Variants in EIF4G3 observed in about 807,000 individuals in gnomAD.
The protein encoded by EIF4G3 is eukaryotic translation initiation factor 4 gamma 3, also known as eIF-4-gamma 3.
Under a neutral mutation model 186.4 loss-of-function variants are expected in EIF4G3, and 34 were observed. The ratio of observed to expected loss-of-function variants is 0.18; its 90% CI spans 0.14 to 0.24. The LOEUF (loss-of-function observed/expected upper bound fraction) is 0.24. Ranked by LOEUF, EIF4G3 falls within the 10% of genes least tolerant of loss-of-function variation. The pLI is 1.00. For synonymous variants in EIF4G3, 673 were observed against 679.5 expected, an observed-to-expected ratio of 0.99 and a Z score of 0.15; for missense variants, 1,536 against 1,948.5, an observed-to-expected ratio of 0.79 and a Z score of 3.99.
At chr1:21,114,090 C>T (rs1372033628) in intron 2 of EIF4G3, among the ~76,000 whole-genome samples, 1 of 151,730 alleles carries the variant, frequency 6.6e-6, no homozygotes, top group Non-Finnish European at 1.5e-5. Context: ...GGAAAGTTGT[C>T]AAGTTCATGG....
At chr1:21,047,155 G>A (rs1244525144) in intron 4 of EIF4G3, among the ~76,000 whole-genome samples, 1 of 152,076 alleles carries the variant, frequency 6.6e-6, no homozygotes, top group East Asian at 1.9e-4. Context: ...TTGACTTCAA[G>A]CCTATAATCC....
intron 14 of EIF4G3, among the ~76,000 whole-genome samples, chr1:20,937,175 T>C (rs1008939814): frequency 6.6e-6 from 1 of 152,116 alleles, no homozygotes; most frequent in African/African-American, 2.4e-5. Flanking sequence ...AGTGAAAAGA[T>C]AGCTTAAAAA....
intron 27 of EIF4G3, among the ~76,000 whole-genome samples, chr1:20,852,552 C>T (rs1013316361): frequency 1.3e-5 from 2 of 152,170 alleles, no homozygotes; most frequent in Non-Finnish European, 2.9e-5. Flanking sequence ...GAGAGACTCT[C>T]CATATTTCCT....
chr1:21,117,942 C>T (rs2096858094), intron 2 of EIF4G3, among the ~76,000 whole-genome samples: 2 of 152,120 alleles, frequency 1.3e-5, no homozygotes, highest in South Asian at 4.1e-4. Context: ...ACTTATACTA[C>T]ATTTCAATTT....
chr1:21,170,741 C>T (rs2097946552), intron 2 of EIF4G3, among the ~76,000 whole-genome samples: 1 of 152,058 alleles, frequency 6.6e-6, no homozygotes, highest in Non-Finnish European at 1.5e-5. Flanking sequence ...GTAATCCCAG[C>T]ACTTGGGGAG....
intron 20 of EIF4G3, among the ~76,000 whole-genome samples, chr1:20,874,452 T>C (rs2080174642): frequency 6.6e-6 from 1 of 152,232 alleles, no homozygotes; most frequent in South Asian, 2.1e-4. Context: ...CATATATTTG[T>C]TGGCCGCGTA....
chr1:20,849,389 T>C, intron 29 of EIF4G3, 26 bp downstream of exon 29: 2 of 1,263,430 alleles, frequency 1.6e-6, no homozygotes, highest in South Asian at 2.8e-5. Flanking sequence ...TTACTGTGTG[T>C]GTGTTTTTTT....
chr1:20,987,045 C>T (rs2079727053), intron 7 of EIF4G3, among the ~76,000 whole-genome samples: 1 of 152,096 alleles, frequency 6.6e-6, no homozygotes, highest in South Asian at 2.1e-4. Flanking sequence ...CTTATAATTG[C>T]TTACTTTCCC....
chr1:20,965,486 C>A (rs1490557603), intron 12 of EIF4G3, among the ~76,000 whole-genome samples: 1 of 152,106 alleles, frequency 6.6e-6, no homozygotes, highest in South Asian at 2.1e-4. Flanking sequence ...ATTATATGGT[C>A]ATCCTTTTTA....
At chr1:21,088,837 C>T (rs910276970) in intron 3 of EIF4G3, among the ~76,000 whole-genome samples, 4 of 151,964 alleles carry the variant, frequency 2.6e-5, no homozygotes, top group Non-Finnish European at 5.9e-5. Flanking sequence ...TGCACTCCAG[C>T]CTGGGTGACA....
chr1:21,149,761 A>G (rs2097522067), intron 2 of EIF4G3, among the ~76,000 whole-genome samples: 1 of 152,178 alleles, frequency 6.6e-6, no homozygotes, highest in Non-Finnish European at 1.5e-5. Flanking sequence ...GACCTTTTTA[A>G]TCCTCTACTA....
intron 8 of EIF4G3, among the ~76,000 whole-genome samples, chr1:20,981,562 A>G (rs866164872): frequency 1.6e-5 from 2 of 122,482 alleles, no homozygotes; most frequent in African/African-American, 6.4e-5. Flanking sequence ...ATACATACAT[A>G]CATGTATACG....
chr1:21,067,864 G>C (rs1349132359), intron 3 of EIF4G3, among the ~76,000 whole-genome samples: 1 of 152,008 alleles, frequency 6.6e-6, no homozygotes, highest in Non-Finnish European at 1.5e-5. Flanking sequence ...GCCAGGCACA[G>C]TGGCTCACGC....
In EIF4G3 at chr1:20,841,122, C is replaced by G. The variant is rs905964557; in HGVS notation, c.3889-94G>C. ...TAAAATCTTTTACTTACAACAGAATCAGTAGAAACTTCCATGAACAGGACA... is the reference window on the plus strand; with the variant it reads ...TAAAATCTTTTACTTACAACAGAATGAGTAGAAACTTCCATGAACAGGACA... On this transcript the variant is annotated intron_variant, in intron 29 of 36. Transcript: ENST00000602326. 3.9e-6 allele frequency: 5 copies of G among 1,281,786 alleles called. No individual in the cohort carries two copies. The South Asian group carries it at 4.3e-5, about 11-fold the overall frequency. 79.4% of individuals were successfully genotyped at this position (1,281,786 alleles called of 1,614,324 possible). A position where few individuals can be genotyped will look rare whatever the true frequency, so the allele number is the denominator to read the frequency against.
intron 15 of EIF4G3, among the ~76,000 whole-genome samples, chr1:20,902,932 C>T (rs538832508): frequency 3.3e-5 from 5 of 152,314 alleles, no homozygotes; most frequent in East Asian, 3.9e-4. Flanking sequence ...TGAGCCACTG[C>T]GCCCAGCCTT....
intron 10 of EIF4G3, among the ~76,000 whole-genome samples, chr1:20,979,386 C>T (rs2077500789): frequency 1.3e-5 from 2 of 152,128 alleles, no homozygotes; most frequent in East Asian, 1.9e-4. Flanking sequence ...TTAGTTATGG[C>T]ATGTATATTC....
intron 3 of EIF4G3, among the ~76,000 whole-genome samples, chr1:21,053,650 T>C (rs1356876535): frequency 7.4e-6 from 1 of 135,918 alleles, no homozygotes; most frequent in African/African-American, 2.7e-5. Context: ...GGGGCGCCTC[T>C]GCCCGGCCGC....
At chr1:20,924,406 A>G (rs1331247921) in intron 14 of EIF4G3, among the ~76,000 whole-genome samples, 1 of 152,200 alleles carries the variant, frequency 6.6e-6, no homozygotes, top group Non-Finnish European at 1.5e-5. Context: ...TGTTCTCCGC[A>G]TTTATATTAC....
rs548415907 is a variant in EIF4G3 at position 20,929,683 on chromosome 1, A to C, written c.1663+11808T>G. 8 of 152,358 alleles carry C rather than the reference A, an allele frequency of 5.3e-5. No homozygotes were observed. In the East Asian group the frequency reaches 1.5e-3, roughly 29 times the overall value. The allele number at this position is 152,358 out of a possible 1,614,324, so 9.4% of individuals were successfully genotyped here. ...AAGTACTTTACATACATCACATTTT[A>C]TCTTTACAATTCTATAATGTAAATA... is the stretch of plus-strand genomic sequence containing the variant. On this transcript the variant is annotated intron_variant, in intron 14 of 36. Transcript: ENST00000602326.
Sources: gnomAD v4.1 joint callset for allele counts (sites outside exome capture counted in the v4.1 genomes callset) on GRCh38, gnomAD v4.1.1 for gene constraint, MANE v1.5 for transcripts, NCBI Gene and HGNC (gene_info 2026-07-23, HGNC 2026-07-21) for gene names.